RFX2: variants seen among roughly 807,000 people sequenced by gnomAD.
RFX2 encodes the protein DNA-binding protein RFX2.
RFX2 carries 20 observed loss-of-function variants against 87.8 expected under a neutral mutation model. That is an observed-to-expected ratio of 0.23 (90% CI 0.16 to 0.33). The LOEUF is 0.33. Among genes scored for constraint, RFX2 ranks in the 10% least tolerant of loss-of-function variants. The pLI is 1.00. For missense variants in RFX2, 767 were observed against 1,012.3 expected, an observed-to-expected ratio of 0.76 and a Z score of 3.29; for synonymous variants, 397 against 431.3, an observed-to-expected ratio of 0.92 and a Z score of 0.98.
intron 17 of RFX2, 112 bp from the exon 18 acceptor site, chr19:5,995,062 A>C (rs2086387196): frequency 2.8e-5 from 23 of 822,374 alleles, no homozygotes; most frequent in Non-Finnish European, 4.3e-5. Context: ...CACCGAGGAT[A>C]CATGGCAGCC....
At chr19:6,042,247 G>T (rs947732221) in intron 3 of RFX2, 124 bp from the exon 4 acceptor site, 13 of 826,382 alleles carry the variant, frequency 1.6e-5, no homozygotes, top group South Asian at 4.3e-5. Flanking sequence ...CAATGTTCCC[G>T]CCCACAGTCG....
rs540390201 is a variant in RFX2, at chr19:6,085,444, C to T, written c.-9+24949G>A. Among the ~76,000 whole-genome samples the T allele has an allele frequency of 5.9e-5, 9 of 152,346 alleles. No homozygotes were observed. The South Asian group carries it at 1.4e-3, about 25-fold the overall frequency. On this transcript the variant is annotated intron_variant, in intron 1 of 17. Coordinates refer to ENST00000303657, the MANE Select transcript of RFX2 (RefSeq NM_000635.4). ...TTCTTTGAAGAAAGAGAAATATCTA[C>T]TCAAGTCCTCTGCCCATTAAAAAAT... is the stretch of plus-strand genomic sequence containing the variant.
At chr19:6,065,785 AT>A (rs1287105393) in intron 1 of RFX2, among the ~76,000 whole-genome samples, 3 of 152,282 alleles carry the variant, frequency 2.0e-5, no homozygotes, top group African/African-American at 7.2e-5. Context: ...CTTAAAAAAA[AT>A]CCATACAACT....
rs564052169 is a variant in RFX2, at chr19:6,045,252, C to T, written c.91-970G>A. Among the ~76,000 whole-genome samples the T allele has an allele frequency of 6.6e-6, 1 of 152,258 alleles. No homozygotes were observed. The highest frequency in any genetic ancestry group is 6.5e-5 in the Admixed American group (1 of 15,298). ...TTCTGATTCCAGGTGAGCTGGGCGC[C>T]GTGTGCTTGGAGAATTCACAGGGTC... On this transcript the variant is annotated intron_variant, in intron 2 of 17. Coordinates refer to ENST00000303657, the MANE Select transcript of RFX2 (RefSeq NM_000635.4). The surrounding 1 kb of genome is among the most constrained non-coding windows in gnomAD (Gnocchi z 5.2).
chr19:6,013,577 G>C lies in RFX2; in HGVS notation c.780-472C>G, dbSNP rs1006593972. ...GTGCAATCACAGCTCACTATCAGGA[G>C]GTCACTACCAGGAGGTCACTATCAC... is the stretch of plus-strand genomic sequence containing the variant. On this transcript the variant is annotated intron_variant, in intron 7 of 17. Transcript: ENST00000303657. This position sits in a 1 kb window ranked among gnomAD's most constrained non-coding sequence, Gnocchi z 4.1. Among the ~76,000 whole-genome samples, 1 of 151,264 alleles carries C rather than the reference G, an allele frequency of 6.6e-6. No homozygotes were observed. The highest frequency in any genetic ancestry group is 1.5e-5 in the Non-Finnish European group (1 of 67,802).
Position 5,997,301 on chromosome 19 carries a change from C to G in RFX2, c.1860-88G>C. ...AGACTTCATGGCAGCAACACACCCC[C>G]TGCTCTACGTTCCCTGGGGAACCCA... On this transcript the variant is annotated intron_variant, in intron 15 of 17. Transcript: ENST00000303657. The surrounding 1 kb of genome is among the most constrained non-coding windows in gnomAD (Gnocchi z 4.2). 7.3e-7 allele frequency: 1 copy of G among 1,377,544 alleles called. No individual in the cohort carries two copies. Among genetic ancestry groups the G allele is most frequent in the Non-Finnish European group, 9.7e-7 (1 of 1,034,162 alleles). 85.3% of individuals were successfully genotyped at this position (1,377,544 alleles called of 1,614,324 possible).
intron 6 of RFX2, among the ~76,000 whole-genome samples, chr19:6,018,497 G>A (rs1221951900): frequency 6.6e-6 from 1 of 152,250 alleles, no homozygotes; most frequent in Non-Finnish European, 1.5e-5. Context: ...TTCAGGTGAA[G>A]GGGTGTGTGG....
rs1051422321 is a variant in RFX2, at chr19:6,063,444, C to T, written c.-8-15940G>A. Among the ~76,000 whole-genome samples the T allele has an allele frequency of 8.5e-5, 13 of 152,174 alleles. No individual in the cohort carries two copies. Among genetic ancestry groups the T allele is most frequent in the Admixed American group, 2.0e-4 (3 of 15,282 alleles). On this transcript the variant is annotated intron_variant, in intron 1 of 17. Coordinates refer to ENST00000303657, the MANE Select transcript of RFX2 (RefSeq NM_000635.4). The surrounding 1 kb of genome is among the most constrained non-coding windows in gnomAD (Gnocchi z 4.0). ...TGGCACTGGTGTCTCCTGCACACAA[C>T]GCAGGGAGGGTGAGGATGGGGTCCA...
chr19:5,996,329 AG>A (rs2086411658), intron 16 of RFX2, among the ~76,000 whole-genome samples: 1 of 40,936 alleles, frequency 2.4e-5, no homozygotes, highest in Non-Finnish European at 4.9e-5. Flanking sequence ...TGCAGCACGG[AG>A]GGACGAGCGG....
rs2086850017 is a variant in RFX2, at chr19:6,023,673, C to T, written c.597+2490G>A. Among the ~76,000 whole-genome samples, 1 of 152,202 alleles carries T rather than the reference C, an allele frequency of 6.6e-6. No individual in the cohort carries two copies. Among genetic ancestry groups the T allele is most frequent in the South Asian group, 2.1e-4 (1 of 4,830 alleles). ...CCTTCAGCTCGGGAATACGAATCTT[C>T]ATCGGGGAAGCGACCTGAGAAAGTC... On this transcript the variant is annotated intron_variant, in intron 6 of 17. Coordinates refer to ENST00000303657, the MANE Select transcript of RFX2 (RefSeq NM_000635.4). This position sits in a 1 kb window ranked among gnomAD's most constrained non-coding sequence, Gnocchi z 4.9.
chr19:6,073,111 C>T (rs2087632887), intron 1 of RFX2: 1 of 447,160 alleles, frequency 2.2e-6, no homozygotes, highest in South Asian at 2.1e-5. Flanking sequence ...TCCAGAGTAG[C>T]TGGGATTACA....
intron 1 of RFX2, among the ~76,000 whole-genome samples, chr19:6,070,033 A>G (rs56050503): frequency 0.58 from 1,386 of 2,392 alleles, 234 homozygotes; most frequent in South Asian, 0.61. Context: ...GGATGTGGAT[A>G]GGATGGGATG....
chr19:6,068,615 C>G (rs2087547616), intron 1 of RFX2, among the ~76,000 whole-genome samples: 2 of 152,140 alleles, frequency 1.3e-5, no homozygotes. Flanking sequence ...TCCAGATATC[C>G]TGGGGAAGAG....
chr19:6,096,637 G>A (rs529630876), intron 1 of RFX2, among the ~76,000 whole-genome samples: 149 of 152,188 alleles, frequency 9.8e-4, no homozygotes, highest in Non-Finnish European at 1.5e-3. Flanking sequence ...TAGTAGAGAC[G>A]GGGTTTCACC....
At chr19:6,108,712 C>T (rs2088259184) in intron 1 of RFX2, among the ~76,000 whole-genome samples, 1 of 152,120 alleles carries the variant, frequency 6.6e-6, no homozygotes, top group Non-Finnish European at 1.5e-5. Flanking sequence ...CCTGGGGGGG[C>T]GGGGGTAAGG....
intron 15 of RFX2, among the ~76,000 whole-genome samples, chr19:6,000,863 G>A (rs541438587): frequency 4.6e-5 from 7 of 152,266 alleles, no homozygotes; most frequent in East Asian, 1.9e-4. Flanking sequence ...GCTGGGTCAC[G>A]TGGGGCCTGT....
At position 6,004,413 on chromosome 19, in the gene RFX2, C is replaced by T. The variant is rs777802621; in HGVS notation, c.1403-115G>A. 37 of 854,888 alleles carry T rather than the reference C, an allele frequency of 4.3e-5. No homozygotes were observed. The highest frequency in any genetic ancestry group is 3.7e-4 in the African/African-American group (22 of 60,182). The allele number at this position is 854,888 out of a possible 1,614,324, so 53.0% of individuals were successfully genotyped here. On this transcript the variant is annotated intron_variant, in intron 12 of 17. Coordinates refer to ENST00000303657, the MANE Select transcript of RFX2 (RefSeq NM_000635.4). The surrounding 1 kb of genome is among the most constrained non-coding windows in gnomAD (Gnocchi z 4.8). ...CGATGAAAATGACCACCATGAAGAA[C>T]GAGCCACACAGGCGACGGGGAACCG...
Position 6,017,863 on chromosome 19 carries a change from C to T in RFX2, c.598-1592G>A, listed in dbSNP as rs1027556778. The stretch of plus-strand genomic sequence containing the variant: ...GGAAATATCTGTCCACTCACCACAG[C>T]GTACCCATGGCACCCCCCCGCCCCA... On this transcript the variant is annotated intron_variant, in intron 6 of 17. Coordinates refer to ENST00000303657, the MANE Select transcript of RFX2 (RefSeq NM_000635.4). The surrounding 1 kb of genome is among the most constrained non-coding windows in gnomAD (Gnocchi z 4.1). Among the ~76,000 whole-genome samples the T allele has an allele frequency of 2.6e-5, 4 of 152,040 alleles. No homozygotes were observed. Among genetic ancestry groups the T allele is most frequent in the South Asian group, 4.1e-4 (2 of 4,820 alleles).
intron 1 of RFX2, chr19:6,049,106 A>C (rs1431550941): frequency 6.6e-6 from 1 of 152,204 alleles, no homozygotes; most frequent in Non-Finnish European, 1.5e-5. Flanking sequence ...CTGAGTCCTC[A>C]ACTCACTCTC....
Sources: gnomAD v4.1 joint callset for allele counts (sites outside exome capture counted in the v4.1 genomes callset) on GRCh38, gnomAD v4.1.1 for gene constraint, Gnocchi (gnomAD v3.1) non-coding constraint, MANE v1.5 for transcripts, NCBI Gene and HGNC (gene_info 2026-07-23, HGNC 2026-07-21) for gene names.